The following FUT8 variants were observed in gnomAD, a reference collection of about 807,000 sequenced individuals.
The protein encoded by FUT8 is alpha-(1,6)-fucosyltransferase.
Under a neutral mutation model 71.3 loss-of-function variants are expected in FUT8, and 29 were observed. The ratio of observed to expected loss-of-function variants is 0.41; its 90% CI spans 0.30 to 0.55. The LOEUF is 0.55. FUT8 is among the 20% of genes least tolerant of loss of function. The pLI is 0.34. For synonymous variants in FUT8, 254 were observed against 239.3 expected (o/e 1.06, Z -0.57); for missense variants, 544 against 702.1 (o/e 0.77, Z 2.55).
chr14:65,666,108 TAAAAA>T (rs749846416), intron 6 of FUT8, among the ~76,000 whole-genome samples: 5 of 152,112 alleles, frequency 3.3e-5, no homozygotes, highest in Non-Finnish European at 7.4e-5. Flanking sequence ...AATGCAATGT[TAAAAA>T]AGAGAAGTGA....
chr14:65,416,648 C>T (rs190373689), intron 1 of FUT8, among the ~76,000 whole-genome samples: 1 of 151,544 alleles, frequency 6.6e-6, no homozygotes, highest in African/African-American at 2.4e-5. Context: ...TATAGTGAAA[C>T]AATTAAACAT....
chr14:65,528,599 C>T (rs1423438180), intron 2 of FUT8, among the ~76,000 whole-genome samples: 2 of 152,154 alleles, frequency 1.3e-5, no homozygotes, highest in Non-Finnish European at 2.9e-5. Flanking sequence ...GAACCTGGTA[C>T]CTCAGTTGGA....
intron 7 of FUT8, among the ~76,000 whole-genome samples, chr14:65,714,472 A>G (rs1894956368): frequency 6.6e-6 from 1 of 151,142 alleles, no homozygotes; most frequent in Non-Finnish European, 1.5e-5. Flanking sequence ...TAGTAGCCAC[A>G]GAGTCTCATT....
chr14:65,722,665 C>T (rs1348128237), intron 8 of FUT8, among the ~76,000 whole-genome samples: 1 of 152,122 alleles, frequency 6.6e-6, no homozygotes, highest in Non-Finnish European at 1.5e-5. Context: ...CTCTATAGAG[C>T]CCACTGAACA....
chr14:65,475,007 G>T (rs979300174), intron 2 of FUT8, among the ~76,000 whole-genome samples: 2 of 152,062 alleles, frequency 1.3e-5, no homozygotes, highest in Non-Finnish European at 2.9e-5. Flanking sequence ...GGATTTTTTT[G>T]GGAAAGTAAA....
chr14:65,740,006 T>G (rs537896333), intron 10 of FUT8, among the ~76,000 whole-genome samples: 3 of 152,198 alleles, frequency 2.0e-5, no homozygotes, highest in Admixed American at 2.0e-4. Flanking sequence ...AGTTTGCTAT[T>G]ATTGGAGCTG....
At chr14:65,493,350 G>A (rs1219985362) in intron 2 of FUT8, among the ~76,000 whole-genome samples, 1 of 151,964 alleles carries the variant, frequency 6.6e-6, no homozygotes. Flanking sequence ...AGTCCCAAAT[G>A]ACCACCTTCT....
At chr14:65,495,968 TAAAA>T (rs1295380781) in intron 2 of FUT8, among the ~76,000 whole-genome samples, 1 of 152,110 alleles carries the variant, frequency 6.6e-6, no homozygotes, top group Non-Finnish European at 1.5e-5. Context: ...TGTAGTGTTT[TAAAA>T]AATAAATTTA....
intron 9 of FUT8, among the ~76,000 whole-genome samples, chr14:65,727,364 C>T (rs575904339): frequency 1.6e-4 from 25 of 152,326 alleles, no homozygotes; most frequent in Non-Finnish European, 2.9e-5. Flanking sequence ...TTTATACATC[C>T]TCTGAAATCC....
At chr14:65,587,783 G>A (rs1250507425) in intron 3 of FUT8, among the ~76,000 whole-genome samples, 1 of 152,172 alleles carries the variant, frequency 6.6e-6, no homozygotes, top group African/African-American at 2.4e-5. Context: ...ATGCATCCAT[G>A]TATTAGTTGT....
chr14:65,374,601 G>GT, the FUT8 span, among the ~76,000 whole-genome samples: 5,715 of 144,788 alleles, frequency 0.039, 162 homozygotes, highest in East Asian at 0.097. Flanking sequence ...TGTTTTTTTT[G>GT]TTTTTTTTTT....
chr14:65,713,319 G>A (rs1469960654), intron 7 of FUT8, among the ~76,000 whole-genome samples: 1 of 152,170 alleles, frequency 6.6e-6, no homozygotes, highest in African/African-American at 2.4e-5. Context: ...CACTTAGGTT[G>A]CTTTCAAATC....
chr14:65,527,610 A>C lies in FUT8; in HGVS notation c.-227-33727A>C, dbSNP rs1478776979. ...GCTTTGTTCTGTTGCTGGCCTTTGG[A>C]GGGGGAGAGGCGCTCTGATTTTTAG... On this transcript the variant is annotated intron_variant, in intron 2 of 10. Transcript: ENST00000673929. Among the ~76,000 whole-genome samples the C allele has an allele frequency of 2.0e-5, 3 of 151,626 alleles. No individual in the cohort carries two copies. In the East Asian group the frequency reaches 5.8e-4, roughly 29 times the overall value.
At chr14:65,655,786 G>T (rs189508236) in intron 6 of FUT8, among the ~76,000 whole-genome samples, 37 of 152,194 alleles carry the variant, frequency 2.4e-4, no homozygotes, top group African/African-American at 8.7e-4. Flanking sequence ...TTATCCCTGG[G>T]ACACAAGAAT....
At chr14:65,503,484 GC>G (rs2066679150) in intron 2 of FUT8, among the ~76,000 whole-genome samples, 1 of 152,112 alleles carries the variant, frequency 6.6e-6, no homozygotes, top group African/African-American at 2.4e-5. Context: ...ACAGCATCTT[GC>G]CTTGAGCCAA....
At position 65,693,789 on chromosome 14, in the gene FUT8, A is replaced by G. The variant is rs544444235; in HGVS notation, c.835+24309A>G. On this transcript the variant is annotated intron_variant, in intron 7 of 10. Transcript: ENST00000673929. Reference sequence around the variant, plus strand: ...GGCATCATTTGTTCCTTAAATGTTTAGTAGAATTCACCAGTGAAACTATCT... The same window carrying G: ...GGCATCATTTGTTCCTTAAATGTTTGGTAGAATTCACCAGTGAAACTATCT... Among the ~76,000 whole-genome samples, 5 of 152,350 alleles carry G rather than the reference A, an allele frequency of 3.3e-5. No homozygotes were observed. The South Asian group carries it at 1.0e-3, about 32-fold the overall frequency.
Position 65,424,134 on chromosome 14 carries a change from G to A in FUT8, c.-326+10920G>A, listed in dbSNP as rs79753318. Among the ~76,000 whole-genome samples the A allele has an allele frequency of 5.0e-3, 756 of 152,296 alleles. 8 individuals carry two copies. Among genetic ancestry groups the A allele is most frequent in the African/African-American group, 0.017 (720 of 41,568 alleles). ...GTATCGTACTAAACATAATGAAACC[G>A]CGAGAGATCACTTTTTACTGGAATA... On this transcript the variant is annotated intron_variant, in intron 1 of 10. Transcript: ENST00000673929.
At chr14:65,484,556 C>A (rs2066380992) in intron 2 of FUT8, among the ~76,000 whole-genome samples, 1 of 151,874 alleles carries the variant, frequency 6.6e-6, no homozygotes, top group Non-Finnish European at 1.5e-5. Flanking sequence ...CACCTGTAGT[C>A]CCAGTTACTC....
chr14:65,382,716 A>G, the FUT8 span, among the ~76,000 whole-genome samples: 8 of 152,208 alleles, frequency 5.3e-5, no homozygotes, highest in East Asian at 1.4e-3. Flanking sequence ...TCTCTTTTTT[A>G]TAACACTTCT....
Sources: allele counts gnomAD v4.1 joint callset (sites outside exome capture counted in the v4.1 genomes callset), GRCh38; gene constraint gnomAD v4.1.1; transcripts MANE v1.5; gene names NCBI Gene and HGNC (gene_info 2026-07-23, HGNC 2026-07-21).